Variants in DNTTIP1 observed in about 807,000 individuals in gnomAD.
The protein encoded by DNTTIP1 is deoxynucleotidyltransferase terminal interacting protein 1.
A neutral mutation model predicts 52.9 loss-of-function variants in DNTTIP1; 22 were observed. That is an observed-to-expected ratio of 0.42 (90% CI 0.30 to 0.59). The LOEUF (loss-of-function observed/expected upper bound fraction) is 0.59. DNTTIP1 is among the 20% of genes least tolerant of loss of function. The pLI, the probability that DNTTIP1 is intolerant of heterozygous loss-of-function variation, is 0.22. For synonymous variants in DNTTIP1, 136 were observed against 155.1 expected (o/e 0.88, Z 0.92); for missense variants, 286 against 435.5 (o/e 0.66, Z 3.06).
intron 1 of DNTTIP1, among the ~76,000 whole-genome samples, chr20:45,792,315 G>T (rs1601022550): frequency 6.6e-6 from 1 of 152,226 alleles, no homozygotes; most frequent in Non-Finnish European, 1.5e-5. Context: ...TGAGTCCCAG[G>T]ATCCTCTTCT....
At position 45,792,068 on chromosome 20, in the gene DNTTIP1, G is replaced by A. The variant is rs1211662353; in HGVS notation, c.64G>A (p.Glu22Lys). The change falls in exon 1 of 13, where the codon GAG (glutamate) becomes AAG (lysine). Residue 22 changes from glutamate (E) to lysine (K), a missense_variant. Transcript: ENST00000372622. ...GPSGAERGGLELGDAGAAGQL... is the reference protein window; with the variant it reads ...GPSGAERGGLKLGDAGAAGQL... ...TAGCGGGGCCGAGAGGGGCGGCTTG[G>A]AGCTGGGGGATGCGGGCGCAGCGGG... The A allele has an allele frequency of 3.9e-6, 5 of 1,286,526 alleles. No individual in the cohort carries two copies. Among genetic ancestry groups the A allele is most frequent in the Non-Finnish European group, 4.9e-6 (5 of 1,015,918 alleles). The allele number at this position is 1,286,526 out of a possible 1,614,324, so 79.7% of individuals were successfully genotyped here. A position where few individuals can be genotyped will look rare whatever the true frequency, so the allele number is the denominator to read the frequency against.
chr20:45,794,053 A>G lies in DNTTIP1; in HGVS notation c.273+36A>G, dbSNP rs542614446. 101 of 1,419,332 alleles carry G rather than the reference A, an allele frequency of 7.1e-5. 4 individuals carry two copies. In the East Asian group the frequency reaches 2.4e-3, roughly 34 times the overall value. 87.9% of individuals were successfully genotyped at this position (1,419,332 alleles called of 1,614,324 possible). A position where few individuals can be genotyped will look rare whatever the true frequency, so the allele number is the denominator to read the frequency against. On this transcript the variant is annotated intron_variant, in intron 3 of 12. Coordinates refer to ENST00000372622, the MANE Select transcript of DNTTIP1 (RefSeq NM_052951.3). ...CACAGGATAAAAAATAACAGGAGAA[A>G]GACTCATGAGGAGCCCAGTCCTTGC...
At chr20:45,800,115 A>G (rs968995660) in intron 4 of DNTTIP1, among the ~76,000 whole-genome samples, 1 of 150,796 alleles carries the variant, frequency 6.6e-6, no homozygotes, top group Admixed American at 6.6e-5. Context: ...GCAAGATTCC[A>G]TGTCAAAAAA....
chr20:45,794,024 G>A lies in DNTTIP1; in HGVS notation c.273+7G>A. On this transcript the variant is annotated splice_region_variant and intron_variant, in intron 3 of 12. Transcript: ENST00000372622. ...CTTCAACAAGTACATGAAGGTGAGA[G>A]GGACACAGGATAAAAAATAACAGGA... 6.6e-7 allele frequency: 1 copy of A among 1,526,448 alleles called. No homozygotes were observed. Among genetic ancestry groups the A allele is most frequent in the Non-Finnish European group, 9.0e-7 (1 of 1,115,712 alleles). 94.6% of individuals were successfully genotyped at this position (1,526,448 alleles called of 1,614,324 possible).
At chr20:45,804,237 A>G (rs1248449267) in intron 8 of DNTTIP1, among the ~76,000 whole-genome samples, 1 of 152,034 alleles carries the variant, frequency 6.6e-6, no homozygotes, top group African/African-American at 2.4e-5. Context: ...CCTTCTTTAC[A>G]TTCGTTATCT....
At chr20:45,799,573 T>C (rs11699807) in intron 4 of DNTTIP1, among the ~76,000 whole-genome samples, 23,366 of 152,240 alleles carry the variant, frequency 0.15, 2,360 homozygotes, top group East Asian at 0.4. Flanking sequence ...GAGGCCACCT[T>C]CTGAGCAAGG....
In DNTTIP1 at chr20:45,809,251, TG is replaced by T. The variant is rs1981747044; in HGVS notation, c.795+69del. 6.2e-6 allele frequency: 9 copies of T among 1,446,650 alleles called. No individual in the cohort carries two copies. In the East Asian group the frequency reaches 2.0e-4, roughly 33 times the overall value. 89.6% of individuals were successfully genotyped at this position (1,446,650 alleles called of 1,614,324 possible). On this transcript the variant is annotated intron_variant, in intron 11 of 12. Transcript: ENST00000372622. This position sits in a 1 kb window ranked among gnomAD's most constrained non-coding sequence, Gnocchi z 4.2. ...CACCTGGGAACCAGGATTTTGGCTG[TG>T]GGTGACAGCCTACCTCCAAATCTGA... is the stretch of plus-strand genomic sequence containing the variant.
At position 45,802,072 on chromosome 20, in the gene DNTTIP1, A is replaced by C; in HGVS notation, c.557+15A>C. 6.2e-7 allele frequency: 1 copy of C among 1,613,928 alleles called. No homozygotes were observed. Among genetic ancestry groups the C allele is most frequent in the Non-Finnish European group, 8.5e-7 (1 of 1,179,962 alleles). ...GCCGGCATGGTGTGAGTAGGGACCAACAGTGTGGTGAGAGCATAGGGGAGC... is the reference window on the plus strand; with the variant it reads ...GCCGGCATGGTGTGAGTAGGGACCACCAGTGTGGTGAGAGCATAGGGGAGC... On this transcript the variant is annotated intron_variant, in intron 7 of 12. Transcript: ENST00000372622.
chr20:45,794,801 ATTT>A (rs1225181993), intron 3 of DNTTIP1, among the ~76,000 whole-genome samples: 1 of 130,002 alleles, frequency 7.7e-6, no homozygotes, highest in Non-Finnish European at 1.7e-5. Context: ...AAAAAAAAAA[ATTT>A]TTTTTTTTTT....
intron 10 of DNTTIP1, among the ~76,000 whole-genome samples, chr20:45,805,811 C>T (rs987371678): frequency 6.6e-6 from 1 of 152,162 alleles, no homozygotes. Context: ...GGGCCAGGTG[C>T]GTGAGCTCAC....
At chr20:45,802,204 G>A in intron 7 of DNTTIP1, 147 bp downstream of exon 7, 1 of 865,726 alleles carries the variant, frequency 1.2e-6, no homozygotes, top group South Asian at 1.4e-5. Flanking sequence ...TGGTTGGAGG[G>A]GTGAGGAAGG....
At chr20:45,797,524 G>T (rs1428124007) in intron 4 of DNTTIP1, among the ~76,000 whole-genome samples, 12 of 152,040 alleles carry the variant, frequency 7.9e-5, no homozygotes, top group Admixed American at 7.2e-4. Context: ...CAAAAGAAAT[G>T]ACCATCAGAG....
At chr20:45,808,501 G>A (rs139384026) in intron 10 of DNTTIP1, among the ~76,000 whole-genome samples, 335 of 152,120 alleles carry the variant, frequency 2.2e-3, no homozygotes, top group African/African-American at 7.6e-3. Flanking sequence ...TTAGCCGGGC[G>A]TGGTGGCGCA....
intron 6 of DNTTIP1, 81 bp downstream of exon 6, chr20:45,801,539 AC>A: frequency 6.1e-6 from 9 of 1,484,848 alleles, no homozygotes; most frequent in Non-Finnish European, 8.4e-6. Flanking sequence ...TGTAATCCCA[AC>A]ACTTTGGGAG....
chr20:45,802,174 A>T (rs1981496895), intron 7 of DNTTIP1, 117 bp downstream of exon 7: 1 of 1,113,568 alleles, frequency 9.0e-7, no homozygotes, highest in Non-Finnish European at 1.3e-6. Flanking sequence ...AGCTTAAGTC[A>T]TCGTGGAGGG....
Position 45,805,285 on chromosome 20 carries a change from C to T in DNTTIP1, c.663-21C>T, listed in dbSNP as rs373442957. On this transcript the variant is annotated intron_variant, in intron 9 of 12. Coordinates refer to ENST00000372622, the MANE Select transcript of DNTTIP1 (RefSeq NM_052951.3). Reference sequence around the variant, plus strand: ...GGACTACACTTTCTGGAATCTTGACCACTTGGCTTTTACTTTTCAGAGCCC... The same window carrying T: ...GGACTACACTTTCTGGAATCTTGACTACTTGGCTTTTACTTTTCAGAGCCC... 2.5e-6 allele frequency: 4 copies of T among 1,614,018 alleles called. No individual in the cohort carries two copies. In the African/African-American group the frequency reaches 5.3e-5, roughly 22 times the overall value.
rs750100532 is a variant in DNTTIP1, at chr20:45,791,979, G to A, written c.-26G>A. 1.2e-5 allele frequency: 15 copies of A among 1,230,770 alleles called. No homozygotes were observed. The South Asian group carries it at 3.9e-4, about 32-fold the overall frequency. The allele number at this position is 1,230,770 out of a possible 1,614,324, so 76.2% of individuals were successfully genotyped here. A position where few individuals can be genotyped will look rare whatever the true frequency, so the allele number is the denominator to read the frequency against. On this transcript the variant is annotated 5_prime_UTR_variant, in exon 1 of 13. Transcript: ENST00000372622. ...ACTTTCCGGCCGGTGACAGAGTCCAGCGGAGTTGTGGGGGCCGGGGGCGCC... is the reference window on the plus strand; with the variant it reads ...ACTTTCCGGCCGGTGACAGAGTCCAACGGAGTTGTGGGGGCCGGGGGCGCC...
Position 45,793,999 on chromosome 20 carries a change from C to T in DNTTIP1, c.255C>T (p.Val85=). The part of the protein sequence containing the change: ...QPSINEEIQT[V]FNKYMKFFQK... ...GCATCAACGAGGAGATCCAGACTGT[C>T]TTCAACAAGTACATGAAGGTGAGAG... The change falls in exon 3 of 13, where the codon GTC becomes GTT. Residue 85 remains valine (V), a synonymous_variant. Transcript: ENST00000372622. 6.3e-7 allele frequency: 1 copy of T among 1,595,026 alleles called. No individual in the cohort carries two copies. Among genetic ancestry groups the T allele is most frequent in the Non-Finnish European group, 8.5e-7 (1 of 1,170,244 alleles).
chr20:45,793,039 G>C (rs754925415), intron 2 of DNTTIP1, among the ~76,000 whole-genome samples: 1 of 152,208 alleles, frequency 6.6e-6, no homozygotes, highest in South Asian at 2.1e-4. Context: ...AAAGAGGTCA[G>C]TTAGCATGGA....
Sources: gnomAD v4.1 joint callset for allele counts (sites outside exome capture counted in the v4.1 genomes callset) on GRCh38, gnomAD v4.1.1 for gene constraint, Gnocchi (gnomAD v3.1) non-coding constraint, MANE v1.5 for transcripts, NCBI Gene and HGNC (gene_info 2026-07-23, HGNC 2026-07-21) for gene names.